The following PITPNC1 variants were observed in gnomAD, a reference collection of about 807,000 sequenced individuals.
The protein encoded by PITPNC1 is cytoplasmic phosphatidylinositol transfer protein 1.
A neutral mutation model predicts 44.7 loss-of-function variants in PITPNC1; 18 were observed. The observed-to-expected ratio is 0.40, with a 90% CI of 0.28 to 0.60. PITPNC1 has a LOEUF of 0.60. Among genes scored for constraint, PITPNC1 ranks in the 20% least tolerant of loss-of-function variants. The pLI, the probability that PITPNC1 is intolerant of heterozygous loss-of-function variation, is 0.39. For missense variants in PITPNC1, 290 were observed against 418.4 expected, an observed-to-expected ratio of 0.69 and a Z score of 2.68; for synonymous variants, 141 against 149.6, an observed-to-expected ratio of 0.94 and a Z score of 0.42.
rs180917299 is a variant in PITPNC1 at position 67,405,339 on chromosome 17, C to G, written c.48+27137C>G. On this transcript the variant is annotated intron_variant, in intron 1 of 8. Coordinates refer to ENST00000581322, the MANE Select transcript of PITPNC1 (RefSeq NM_012417.4). ...GGCTGAGGTGGGAGGATCATTTGAG[C>G]CTGGGAGTTCAGGGCTGCAGTGAGC... Among the ~76,000 whole-genome samples the G allele has an allele frequency of 6.4e-3, 972 of 151,660 alleles. 11 individuals carry two copies. Among genetic ancestry groups the G allele is most frequent in the African/African-American group, 0.021 (882 of 41,344 alleles).
At position 67,471,699 on chromosome 17, in the gene PITPNC1, A is replaced by G. The variant is rs550037306; in HGVS notation, c.49-61103A>G. On this transcript the variant is annotated intron_variant, in intron 1 of 8. Coordinates refer to ENST00000581322, the MANE Select transcript of PITPNC1 (RefSeq NM_012417.4). Reference sequence around the variant, plus strand: ...TACAGAAGAGTTGCAAATCCAGAGAACCCCCCGTAGTCTTCATCCACCTTC... The same window carrying G: ...TACAGAAGAGTTGCAAATCCAGAGAGCCCCCCGTAGTCTTCATCCACCTTC... The G allele has an allele frequency of 5.1e-4, 85 of 166,816 alleles. 2 individuals are homozygous for G. The South Asian group carries it at 9.1e-3, about 18-fold the overall frequency. The allele number at this position is 166,816 out of a possible 1,614,324, so 10.3% of individuals were successfully genotyped here. A position where few individuals can be genotyped will look rare whatever the true frequency, so the allele number is the denominator to read the frequency against.
intron 5 of PITPNC1, among the ~76,000 whole-genome samples, chr17:67,580,165 A>G (rs375060951): frequency 6.6e-6 from 1 of 152,288 alleles, no homozygotes; most frequent in East Asian, 1.9e-4. Context: ...ATGCTTCCCT[A>G]TAATGATTTT....
At chr17:67,559,411 G>A (rs2040878802) in intron 4 of PITPNC1, among the ~76,000 whole-genome samples, 1 of 152,196 alleles carries the variant, frequency 6.6e-6, no homozygotes, top group Admixed American at 6.5e-5. Flanking sequence ...AGCGGGTTAG[G>A]AAATAACTTT....
At chr17:67,553,564 T>C in intron 3 of PITPNC1, 46 bp from the exon 4 acceptor site, 1 of 965,020 alleles carries the variant, frequency 1.0e-6, no homozygotes, top group Non-Finnish European at 1.5e-6. Flanking sequence ...TCATCTTTTG[T>C]CTCTTTTTTC....
At chr17:67,636,421 G>A (rs995065522) in intron 6 of PITPNC1, among the ~76,000 whole-genome samples, 4 of 152,134 alleles carry the variant, frequency 2.6e-5, no homozygotes, top group African/African-American at 9.7e-5. Flanking sequence ...GGCCACCCCT[G>A]GCCCGCCCTG....
intron 5 of PITPNC1, among the ~76,000 whole-genome samples, chr17:67,627,473 A>C (rs2041910169): frequency 6.6e-6 from 1 of 152,224 alleles, no homozygotes; most frequent in Non-Finnish European, 1.5e-5. Flanking sequence ...GGACTAAAGG[A>C]TGCCTTGGTG....
intron 1 of PITPNC1, among the ~76,000 whole-genome samples, chr17:67,394,252 C>T (rs553910292): frequency 1.3e-5 from 2 of 152,264 alleles, no homozygotes; most frequent in African/African-American, 4.8e-5. Flanking sequence ...TGGTCTCAAA[C>T]TCCTAGGCTC....
At chr17:67,585,464 C>A (rs1008833344) in intron 5 of PITPNC1, among the ~76,000 whole-genome samples, 4 of 152,266 alleles carry the variant, frequency 2.6e-5, no homozygotes, top group Middle Eastern at 3.4e-3. Context: ...GGGTCCTAAT[C>A]CAGTCTGACT....
chr17:67,567,264 T>A (rs2040992143), intron 4 of PITPNC1, among the ~76,000 whole-genome samples: 1 of 151,814 alleles, frequency 6.6e-6, no homozygotes, highest in Non-Finnish European at 1.5e-5. Context: ...GGCAGGCGGA[T>A]CATGAGGTCA....
chr17:67,391,060 C>CGTGTGTGTGTGTGT (rs80236076), intron 1 of PITPNC1, among the ~76,000 whole-genome samples: 6,775 of 146,816 alleles, frequency 0.046, 350 homozygotes, highest in African/African-American at 0.13. Context: ...ACTTTTTTAG[C>CGTGTGTGTGTGTGT]GTGTGTGTGT....
In PITPNC1 at chr17:67,692,614, A is replaced by G. The variant is rs2042950369; in HGVS notation, c.725A>G (p.Gln242Arg). The G allele has an allele frequency of 6.2e-7, 1 of 1,613,866 alleles. No individual in the cohort carries two copies. Among genetic ancestry groups the G allele is most frequent in the Non-Finnish European group, 8.5e-7 (1 of 1,179,758 alleles). The change falls in exon 9 of 9, where the codon CAG (glutamine) becomes CGG (arginine). Residue 242 changes from glutamine (Q) to arginine (R), a missense_variant. Gln to Arg is a conservative substitution (Grantham distance 43). Coordinates refer to ENST00000581322, the MANE Select transcript of PITPNC1 (RefSeq NM_012417.4). ...DEVREFERAT[Q>R]EATNKKIGIF... The stretch of plus-strand genomic sequence containing the variant: ...GTCCGAGAATTTGAACGAGCCACTC[A>G]GGAAGCCACCAACAAGAAAATCGGC...
intron 2 of PITPNC1, among the ~76,000 whole-genome samples, chr17:67,544,017 A>AT (rs1362387934): frequency 3.3e-5 from 5 of 152,072 alleles, no homozygotes; most frequent in African/African-American, 1.2e-4. Flanking sequence ...CGCCGGGCTA[A>AT]TTTTTGTGTT....
chr17:67,566,478 A>G (rs1474040512), intron 4 of PITPNC1, among the ~76,000 whole-genome samples: 2 of 152,206 alleles, frequency 1.3e-5, no homozygotes, highest in East Asian at 1.9e-4. Context: ...TGCTGGGATT[A>G]CAGGCATGAG....
At chr17:67,553,234 C>G (rs1168406391) in intron 3 of PITPNC1, 3 of 161,782 alleles carry the variant, frequency 1.9e-5, no homozygotes, top group African/African-American at 7.2e-5. Flanking sequence ...ACAAGCTCTT[C>G]TTATTGGTTA....
Position 67,597,451 on chromosome 17 carries a change from G to T in PITPNC1, c.366+19194G>T, listed in dbSNP as rs1018679467. On this transcript the variant is annotated intron_variant, in intron 5 of 8. Coordinates refer to ENST00000581322, the MANE Select transcript of PITPNC1 (RefSeq NM_012417.4). The surrounding 1 kb of genome is among the most constrained non-coding windows in gnomAD (Gnocchi z 4.0). ...CACCTGTAATCACAGCTACTCAGGA[G>T]GCTGAGGCAGGAGAATCACTTGAAT... Among the ~76,000 whole-genome samples the T allele has an allele frequency of 6.6e-6, 1 of 152,144 alleles. No individual in the cohort carries two copies. The highest frequency in any genetic ancestry group is 2.4e-5 in the African/African-American group (1 of 41,436).
intron 5 of PITPNC1, among the ~76,000 whole-genome samples, chr17:67,615,564 T>A (rs960779567): frequency 7.2e-5 from 11 of 152,302 alleles, no homozygotes; most frequent in African/African-American, 2.4e-4. Context: ...GAACCCTGCC[T>A]GTTTGTGCAA....
intron 6 of PITPNC1, among the ~76,000 whole-genome samples, chr17:67,646,282 A>G (rs915130393): frequency 6.6e-6 from 1 of 152,222 alleles, no homozygotes; most frequent in African/African-American, 2.4e-5. Context: ...ATAAGACCTG[A>G]CAGAGCGATT....
chr17:67,404,658 A>C (rs34696122), intron 1 of PITPNC1, among the ~76,000 whole-genome samples: 24,002 of 152,262 alleles, frequency 0.16, 2,023 homozygotes, highest in African/African-American at 0.22. Context: ...AGATATTTTC[A>C]AAATATATTT....
intron 1 of PITPNC1, among the ~76,000 whole-genome samples, chr17:67,504,697 A>G (rs886496854): frequency 6.6e-6 from 1 of 152,174 alleles, no homozygotes; most frequent in Non-Finnish European, 1.5e-5. Context: ...TCAAAGAGCC[A>G]ACTTTTGGTT....
Sources: allele counts gnomAD v4.1 joint callset (sites outside exome capture counted in the v4.1 genomes callset), GRCh38; gene constraint gnomAD v4.1.1; non-coding constraint Gnocchi (gnomAD v3.1); transcripts MANE v1.5; gene names NCBI Gene and HGNC (gene_info 2026-07-23, HGNC 2026-07-21).